Variants in UNC13B observed in about 807,000 individuals in gnomAD.
UNC13B encodes the protein protein unc-13 homolog B.
Under a neutral mutation model 211.0 loss-of-function variants are expected in UNC13B, and 144 were observed. That is an observed-to-expected ratio of 0.68 (90% CI 0.60 to 0.78). UNC13B has a LOEUF of 0.78. UNC13B is among the 30% of genes least tolerant of loss of function. The pLI, the probability that UNC13B is intolerant of heterozygous loss-of-function variation, is 0.00. For missense variants in UNC13B, 1,777 were observed against 2,002.0 expected (o/e 0.89, Z 2.14); for synonymous variants, 709 against 725.8 (o/e 0.98, Z 0.37).
chr9:35,392,398 G>A (rs1835588544), intron 26 of UNC13B, among the ~76,000 whole-genome samples: 1 of 152,144 alleles, frequency 6.6e-6, no homozygotes, highest in African/African-American at 2.4e-5. Context: ...GCTGGGATTA[G>A]AGAAGGGAAG....
intron 5 of UNC13B, among the ~76,000 whole-genome samples, chr9:35,239,417 T>G (rs1022192307): frequency 6.6e-6 from 1 of 152,126 alleles, no homozygotes; most frequent in Non-Finnish European, 1.5e-5. Flanking sequence ...GAATAGGGTG[T>G]GGGTCACAGA....
intron 1 of UNC13B, 178 bp from the exon 2 acceptor site, chr9:35,227,837 G>A: frequency 2.0e-6 from 1 of 489,982 alleles, no homozygotes; most frequent in Non-Finnish European, 3.6e-6. Context: ...GACTTTTAAG[G>A]TCTCGTCTGA....
At chr9:35,398,009 A>G (rs2132357253) in intron 30 of UNC13B, among the ~76,000 whole-genome samples, 1 of 152,280 alleles carries the variant, frequency 6.6e-6, no homozygotes, top group Middle Eastern at 3.4e-3. Context: ...ATACTTGAGT[A>G]CCTACCACCC....
rs113306381 is a variant in UNC13B at position 35,403,525 on chromosome 9, T to C, written c.12663T>C (p.Ser4221=). Residue 4221 remains serine, a synonymous_variant, in exon 39 of 40, where the codon AGT becomes AGC. Transcript: ENST00000635942. The part of the protein sequence containing the change: ...VEVTMVGPHQ[S]DKKRKFTTKS... Reference sequence around the variant, plus strand: ...TGACTATGGTTGGCCCACACCAAAGTGATAAGAAGAGGAAGTTCACAACCA... The same window carrying C: ...TGACTATGGTTGGCCCACACCAAAGCGATAAGAAGAGGAAGTTCACAACCA... 6.2e-6 allele frequency: 10 copies of C among 1,612,862 alleles called. No homozygotes were observed. In the Admixed American group the frequency reaches 6.7e-5, roughly 11 times the overall value.
chr9:35,186,614 C>A (rs75031461), intron 1 of UNC13B, among the ~76,000 whole-genome samples: 23,694 of 152,040 alleles, frequency 0.16, 2,034 homozygotes, highest in Admixed American at 0.25. Flanking sequence ...AGAGAGGGGA[C>A]TTCCAAGAGG....
intron 36 of UNC13B, 92 bp from the exon 37 acceptor site, chr9:35,400,204 C>A: frequency 6.5e-7 from 1 of 1,540,182 alleles, no homozygotes; most frequent in Non-Finnish European, 8.8e-7. Context: ...AGCCTATTCT[C>A]ACAGTCCTCT....
chr9:35,192,920 A>G (rs1004419360), intron 1 of UNC13B, among the ~76,000 whole-genome samples: 6 of 152,126 alleles, frequency 3.9e-5, no homozygotes, highest in African/African-American at 1.4e-4. Context: ...GTGGAGAGGA[A>G]AACAGTGGGG....
chr9:35,311,337 A>G (rs1169599097), intron 10 of UNC13B, among the ~76,000 whole-genome samples: 1 of 152,202 alleles, frequency 6.6e-6, no homozygotes, highest in Admixed American at 6.5e-5. Context: ...TGCAGTTCAT[A>G]GCTTACTAGT....
At chr9:35,383,830 T>TA (rs2132271009) in intron 21 of UNC13B, among the ~76,000 whole-genome samples, 1 of 152,314 alleles carries the variant, frequency 6.6e-6, no homozygotes, top group Admixed American at 6.5e-5. Context: ...GTATAACTGT[T>TA]ATGCACTACC....
chr9:35,320,275 G>C (rs1830674271), intron 11 of UNC13B, among the ~76,000 whole-genome samples: 1 of 152,122 alleles, frequency 6.6e-6, no homozygotes. Flanking sequence ...TTGCTGGGTT[G>C]AATGCTAGCT....
chr9:35,236,501 T>C lies in UNC13B; in HGVS notation c.185T>C (p.Val62Ala), dbSNP rs1825518727. The C allele has an allele frequency of 1.2e-6, 2 of 1,613,956 alleles. No homozygotes were observed. Among genetic ancestry groups the C allele is most frequent in the African/African-American group, 2.7e-5 (2 of 74,904 alleles). ...EISRLDLGLS[V>A]EVWNKGLIWD... Reference sequence around the variant, plus strand: ...AGTCGCCTGGACCTGGGTCTAAGTGTGGAGGTATGGAACAAAGGACTGATC... The same window carrying C: ...AGTCGCCTGGACCTGGGTCTAAGTGCGGAGGTATGGAACAAAGGACTGATC... The change falls in exon 4 of 40, where the codon GTG (valine) becomes GCG (alanine). Residue 62 changes from valine (V) to alanine (A), a missense_variant. Transcript: ENST00000635942.
chr9:35,200,983 A>G (rs1380192064), intron 1 of UNC13B, among the ~76,000 whole-genome samples: 2 of 152,172 alleles, frequency 1.3e-5, no homozygotes, highest in African/African-American at 2.4e-5. Context: ...TGTCATAGAT[A>G]GCTCTTATTA....
chr9:35,176,377 G>A (rs1030322242), intron 1 of UNC13B, among the ~76,000 whole-genome samples: 1 of 151,762 alleles, frequency 6.6e-6, no homozygotes, highest in Admixed American at 6.6e-5. Flanking sequence ...ACAAAACCCC[G>A]TCTCTACTAA....
intron 7 of UNC13B, among the ~76,000 whole-genome samples, chr9:35,290,709 T>C (rs911202974): frequency 6.6e-6 from 1 of 151,794 alleles, no homozygotes; most frequent in Non-Finnish European, 1.5e-5. Context: ...ATTTTTCTTA[T>C]TTTGACAAAG....
intron 11 of UNC13B, among the ~76,000 whole-genome samples, chr9:35,341,020 GC>G (rs1287342590): frequency 6.6e-6 from 1 of 152,226 alleles, no homozygotes; most frequent in Non-Finnish European, 1.5e-5. Flanking sequence ...TCACATGAGA[GC>G]CACCTGGCTA....
chr9:35,300,851 T>C lies in UNC13B; in HGVS notation c.1447T>C (p.Phe483Leu), dbSNP rs1829643024. Residue 483 changes from phenylalanine to leucine, a missense_variant, in exon 9 of 40, where the codon TTT becomes CTT. Transcript: ENST00000635942. ...LAEKEEEINR[F>L]GSLSKTKKSH... is the part of the protein sequence containing the mutation. ...AGAGAAGGAAGAGGAGATTAATAGA[T>C]TTGGTTCACTTTCAAAAACTAAAAA... The C allele has an allele frequency of 2.5e-6, 1 of 398,800 alleles. No individual in the cohort carries two copies. The highest frequency in any genetic ancestry group is 1.3e-4 in the South Asian group (1 of 7,866). 24.7% of individuals were successfully genotyped at this position (398,800 alleles called of 1,614,324 possible). A position where few individuals can be genotyped will look rare whatever the true frequency, so the allele number is the denominator to read the frequency against.
At chr9:35,314,275 C>T (rs774026491) in intron 11 of UNC13B, among the ~76,000 whole-genome samples, 42 of 151,976 alleles carry the variant, frequency 2.8e-4, no homozygotes, top group African/African-American at 8.9e-4. Context: ...GAGTTTAGGG[C>T]GAGTTTAGGG....
chr9:35,391,830 A>G (rs1379655950), intron 26 of UNC13B, among the ~76,000 whole-genome samples: 2 of 152,178 alleles, frequency 1.3e-5, no homozygotes, highest in Admixed American at 6.5e-5. Flanking sequence ...CTTAGGAGCT[A>G]AGTTGAAGGG....
intron 9 of UNC13B, among the ~76,000 whole-genome samples, chr9:35,309,408 T>G (rs372921825): frequency 6.6e-6 from 1 of 152,130 alleles, no homozygotes; most frequent in Admixed American, 6.5e-5. Context: ...AAAATCCCAT[T>G]GGAAAATAAC....
Sources: allele counts gnomAD v4.1 joint callset (sites outside exome capture counted in the v4.1 genomes callset), GRCh38; gene constraint gnomAD v4.1.1; transcripts MANE v1.5; gene names NCBI Gene and HGNC (gene_info 2026-07-23, HGNC 2026-07-21).